SYT7: variants seen among roughly 807,000 people sequenced by gnomAD.
SYT7 encodes the protein synaptotagmin 7, also known as synaptotagmin-7.
SYT7 carries 29 observed loss-of-function variants against 75.1 expected under a neutral mutation model. The ratio of observed to expected loss-of-function variants is 0.39; its 90% confidence interval spans 0.29 to 0.53. SYT7 has a LOEUF of 0.53. SYT7 is among the 20% of genes least tolerant of loss of function. SYT7 has a pLI of 0.77. For synonymous variants in SYT7, 376 were observed against 401.7 expected (o/e 0.94, Z 0.76); for missense variants, 693 against 953.2 (o/e 0.73, Z 3.59).
chr11:61,522,937 G>A (rs2062390722), intron 12 of SYT7, 138 bp downstream of exon 12: 1 of 832,622 alleles, frequency 1.2e-6, no homozygotes, highest in Non-Finnish European at 1.9e-6. Flanking sequence ...AAGAAACAGA[G>A]GCCTGAGAGG....
intron 1 of SYT7, among the ~76,000 whole-genome samples, chr11:61,579,225 T>C (rs2064169169): frequency 6.6e-6 from 1 of 152,216 alleles, no homozygotes. Context: ...AGCTGGCTTC[T>C]GAACTAAGCT....
At chr11:61,536,429 T>A (rs1353443060) in intron 7 of SYT7, among the ~76,000 whole-genome samples, 1 of 152,206 alleles carries the variant, frequency 6.6e-6, no homozygotes, top group Non-Finnish European at 1.5e-5. Context: ...AGCTTCTTAG[T>A]GGGCGTTCAG....
chr11:61,517,030 T>C lies in SYT7; in HGVS notation c.*1597A>G, dbSNP rs1476498715. 2.7e-6 allele frequency: 1 copy of C among 375,928 alleles called. No homozygotes were observed. 23.3% of individuals were successfully genotyped at this position (375,928 alleles called of 1,614,324 possible). ...CCTATCCAGAGTCCCCTTCTTCTCT[T>C]TGGGGTGTCACAGGCCCATCCAGAG... is the stretch of plus-strand genomic sequence containing the variant. On this transcript the variant is annotated 3_prime_UTR_variant, in exon 13 of 13. Transcript: ENST00000539008.
intron 1 of SYT7, among the ~76,000 whole-genome samples, chr11:61,565,326 G>C (rs1400045254): frequency 6.6e-6 from 1 of 152,148 alleles, no homozygotes; most frequent in East Asian, 1.9e-4. Flanking sequence ...CATGGAAAGG[G>C]GGACATTTTT....
chr11:61,541,975 C>A (rs988807152), intron 6 of SYT7, among the ~76,000 whole-genome samples: 1 of 152,152 alleles, frequency 6.6e-6, no homozygotes, highest in African/African-American at 2.4e-5. Flanking sequence ...CTTCCCTGAG[C>A]CCTAGAGCAC....
intron 1 of SYT7, among the ~76,000 whole-genome samples, chr11:61,564,212 G>T (rs2063709156): frequency 6.6e-6 from 1 of 152,138 alleles, no homozygotes; most frequent in Non-Finnish European, 1.5e-5. Flanking sequence ...TGTGCCTATA[G>T]GCTCTTTCCC....
rs773218432 is a variant in SYT7 at position 61,524,524 on chromosome 11, A to G, written c.1480T>C (p.Tyr494His). 3.8e-6 allele frequency: 6 copies of G among 1,590,980 alleles called. No homozygotes were observed. Among genetic ancestry groups the G allele is most frequent in the Non-Finnish European group, 5.1e-6 (6 of 1,167,830 alleles). ...AGGATCCTCTGCACCACCTTCTCAT[A>G]GGGAAAACCTGGGGGTATAGATGAG... ...NETFLFEGFPYEKVVQRILYL... is the reference protein window; with the variant it reads ...NETFLFEGFPHEKVVQRILYL... Residue 494 changes from tyrosine (Y) to histidine (H), a missense_variant, in exon 10 of 13, where the codon TAT becomes CAT. Coordinates refer to ENST00000539008, the MANE Select transcript of SYT7 (RefSeq NM_001365809.2). The surrounding 1 kb of genome is among the most constrained non-coding windows in gnomAD (Gnocchi z 4.1).
intron 6 of SYT7, chr11:61,541,316 TA>T: frequency 2.0e-6 from 2 of 983,086 alleles, no homozygotes; most frequent in Non-Finnish European, 2.4e-6. Flanking sequence ...AAGCTCACGT[TA>T]GGGCAAAGGA....
intron 6 of SYT7, chr11:61,541,160 G>A: frequency 1.0e-6 from 1 of 985,560 alleles, no homozygotes; most frequent in Non-Finnish European, 1.2e-6. Flanking sequence ...GAACTTGCTT[G>A]CCTTCAGAAT....
At chr11:61,540,417 G>A in intron 6 of SYT7, 1 of 762,046 alleles carries the variant, frequency 1.3e-6, no homozygotes, top group African/African-American at 1.9e-5. Context: ...TTTTTAGAGG[G>A]TTGTTTTAAA....
rs1159450288 is a variant in SYT7 at position 61,553,789 on chromosome 11, T to C, written c.135+2315A>G. ...AGCTGGAGATTAAGGAAGTTATTAA[T>C]GTTTGGAAATGGGATCTGGGCTGTC... On this transcript the variant is annotated intron_variant, in intron 2 of 12. Coordinates refer to ENST00000539008, the MANE Select transcript of SYT7 (RefSeq NM_001365809.2). This position sits in a 1 kb window ranked among gnomAD's most constrained non-coding sequence, Gnocchi z 5.2. Among the ~76,000 whole-genome samples the C allele has an allele frequency of 6.6e-6, 1 of 152,088 alleles. No homozygotes were observed. The highest frequency in any genetic ancestry group is 1.5e-5 in the Non-Finnish European group (1 of 68,022).
chr11:61,558,303 G>T (rs1001021767), intron 1 of SYT7, among the ~76,000 whole-genome samples: 3 of 151,856 alleles, frequency 2.0e-5, no homozygotes, highest in African/African-American at 7.3e-5. Context: ...CAAAAAATTA[G>T]CTGGGCATGG....
chr11:61,548,057 G>C (rs768754591), intron 3 of SYT7, among the ~76,000 whole-genome samples: 2 of 152,212 alleles, frequency 1.3e-5, no homozygotes, highest in Non-Finnish European at 2.9e-5. Flanking sequence ...CTAAGACTGG[G>C]GGATCTCAGC....
Position 61,514,059 on chromosome 11 carries a change from AGGGGTGGG to A in SYT7, c.*4560_*4567del, listed in dbSNP as rs931968282. Among the ~76,000 whole-genome samples the A allele has an allele frequency of 6.6e-5, 10 of 151,358 alleles. No individual in the cohort carries two copies. Among genetic ancestry groups the A allele is most frequent in the Admixed American group, 1.3e-4 (2 of 15,182 alleles). Reference sequence around the variant, plus strand: ...GAGGGCGGTGGTCCCAGGTACAGGGAGGGGTGGGGGAGCATCTCAGAGCAGGCATGGAC... The same window carrying A: ...GAGGGCGGTGGTCCCAGGTACAGGGAGGAGCATCTCAGAGCAGGCATGGAC... On this transcript the variant is annotated 3_prime_UTR_variant, in exon 13 of 13. Coordinates refer to ENST00000539008, the MANE Select transcript of SYT7 (RefSeq NM_001365809.2).
chr11:61,545,949 G>T, intron 5 of SYT7, 82 bp downstream of exon 5: 1 of 1,277,264 alleles, frequency 7.8e-7, no homozygotes, highest in Non-Finnish European at 1.1e-6. Flanking sequence ...GCAGCAGCGG[G>T]CATGCCAGGG....
intron 1 of SYT7, among the ~76,000 whole-genome samples, chr11:61,570,382 G>C (rs143787528): frequency 7.4e-4 from 112 of 152,260 alleles, no homozygotes; most frequent in African/African-American, 2.5e-3. Context: ...AGGGTGAGAG[G>C]GTTCTGCAAG....
chr11:61,560,379 G>A (rs1020724738), intron 1 of SYT7, among the ~76,000 whole-genome samples: 1 of 152,122 alleles, frequency 6.6e-6, no homozygotes, highest in Non-Finnish European at 1.5e-5. Flanking sequence ...CTGTGTTCTT[G>A]AGCTTTTGCA....
chr11:61,531,554 A>G (rs891616248), intron 8 of SYT7, among the ~76,000 whole-genome samples: 4 of 151,896 alleles, frequency 2.6e-5, no homozygotes, highest in Non-Finnish European at 4.4e-5. Context: ...CAAGGTGACC[A>G]GATCTAGGAT....
chr11:61,531,567 G>A lies in SYT7; in HGVS notation c.1200+1422C>T, dbSNP rs553593940. ...CCCAAGGTGACCAGATCTAGGATGT[G>A]GAAAATCTGATGCTCTAATGTGGAT... On this transcript the variant is annotated intron_variant, in intron 8 of 12. Coordinates refer to ENST00000539008, the MANE Select transcript of SYT7 (RefSeq NM_001365809.2). Among the ~76,000 whole-genome samples the A allele has an allele frequency of 3.3e-5, 5 of 152,004 alleles. No homozygotes were observed. In the South Asian group the frequency reaches 8.3e-4, roughly 25 times the overall value.
Sources: allele counts gnomAD v4.1 joint callset (sites outside exome capture counted in the v4.1 genomes callset), GRCh38; gene constraint gnomAD v4.1.1; non-coding constraint Gnocchi (gnomAD v3.1); transcripts MANE v1.5; gene names NCBI Gene and HGNC (gene_info 2026-07-23, HGNC 2026-07-21).